LCA5: variants seen among roughly 807,000 people sequenced by gnomAD.
The protein encoded by LCA5 is lebercilin.
Under a neutral mutation model 53.0 loss-of-function variants are expected in LCA5, and 37 were observed. The observed-to-expected ratio is 0.70, with a 90% confidence interval of 0.54 to 0.92. LCA5 has a LOEUF of 0.92. LCA5 is among the 40% of genes least tolerant of loss of function. LCA5 has a pLI of 0.00. For missense variants in LCA5, 806 were observed against 790.5 expected (o/e 1.02, Z -0.23); for synonymous variants, 303 against 282.9 (o/e 1.07, Z -0.71).
At chr6:79,487,965 G>T in intron 7 of LCA5, 99 bp from the exon 8 acceptor site, 5 of 926,680 alleles carry the variant, frequency 5.4e-6, no homozygotes, top group Non-Finnish European at 8.2e-6. Flanking sequence ...TTTAATTTGG[G>T]TATTATAAAT....
At chr6:79,512,346 G>A (rs1223392716) in intron 3 of LCA5, among the ~76,000 whole-genome samples, 1 of 151,942 alleles carries the variant, frequency 6.6e-6, no homozygotes, top group Middle Eastern at 3.2e-3. Flanking sequence ...GCTTTTTCTG[G>A]CCACTGATGT....
At chr6:79,489,905 T>C (rs951451312) in intron 6 of LCA5, among the ~76,000 whole-genome samples, 9 of 152,098 alleles carry the variant, frequency 5.9e-5, no homozygotes, top group Non-Finnish European at 1.3e-4. Context: ...AAAGAACTAA[T>C]GGAAGGTGAG....
intron 2 of LCA5, 129 bp from the exon 3 acceptor site, chr6:79,513,870 T>C: frequency 2.4e-6 from 2 of 840,418 alleles, no homozygotes; most frequent in Admixed American, 4.2e-5. Context: ...TTTTACAATA[T>C]TTAGTAAAGT....
intron 1 of LCA5, among the ~76,000 whole-genome samples, chr6:79,534,809 G>A (rs1767062086): frequency 6.6e-6 from 1 of 152,072 alleles, no homozygotes; most frequent in African/African-American, 2.4e-5. Flanking sequence ...CTCAATAAGA[G>A]GATGCAGCAT....
chr6:79,510,760 G>T (rs1218282212), intron 3 of LCA5, among the ~76,000 whole-genome samples: 1 of 152,066 alleles, frequency 6.6e-6, no homozygotes, highest in East Asian at 1.9e-4. Flanking sequence ...AATCCAATTA[G>T]GAAATGGGCA....
chr6:79,510,636 A>ATT (rs1448819734), intron 3 of LCA5, among the ~76,000 whole-genome samples: 13 of 152,184 alleles, frequency 8.5e-5, no homozygotes, highest in African/African-American at 2.9e-4. Flanking sequence ...CACTGTGAAA[A>ATT]GGATGACAAG....
At chr6:79,495,019 T>C (rs965465456) in intron 3 of LCA5, among the ~76,000 whole-genome samples, 1 of 152,212 alleles carries the variant, frequency 6.6e-6, no homozygotes, top group Non-Finnish European at 1.5e-5. Flanking sequence ...CTGCTATTGG[T>C]CTGTGACCTG....
intron 1 of LCA5, among the ~76,000 whole-genome samples, chr6:79,532,264 T>TAGAC (rs530819374): frequency 1.3e-5 from 2 of 152,196 alleles, no homozygotes; most frequent in Non-Finnish European, 2.9e-5. Context: ...CATGTGAGTC[T>TAGAC]AGTCCACATC....
At chr6:79,529,174 C>A (rs1297953812) in intron 1 of LCA5, among the ~76,000 whole-genome samples, 1 of 152,106 alleles carries the variant, frequency 6.6e-6, no homozygotes, top group Non-Finnish European at 1.5e-5. Flanking sequence ...CATAACTTAC[C>A]AGCAAAATAA....
At chr6:79,490,825 G>A (rs1283906685) in intron 6 of LCA5, among the ~76,000 whole-genome samples, 4 of 151,972 alleles carry the variant, frequency 2.6e-5, no homozygotes, top group African/African-American at 4.8e-5. Flanking sequence ...CTAGGTTGCC[G>A]ATACGTTGTT....
intron 1 of LCA5, among the ~76,000 whole-genome samples, chr6:79,527,128 T>A (rs1766815065): frequency 6.6e-6 from 1 of 152,060 alleles, no homozygotes. Context: ...CCTCAAGTGC[T>A]CCTAACCACT....
rs1304172728 is a variant in LCA5 at position 79,518,951 on chromosome 6, G to A, written c.-57C>T. 1 of 1,508,522 alleles carries A rather than the reference G, an allele frequency of 6.6e-7. No individual in the cohort carries two copies. The allele number at this position is 1,508,522 out of a possible 1,614,324, so 93.4% of individuals were successfully genotyped here. A position where few individuals can be genotyped will look rare whatever the true frequency, so the allele number is the denominator to read the frequency against. ...TTCACAGATTATTTTCTCCAGAGGAGACTATGACAATACTGAAAAACATTT... is the reference window on the plus strand; with the variant it reads ...TTCACAGATTATTTTCTCCAGAGGAAACTATGACAATACTGAAAAACATTT... On this transcript the variant is annotated 5_prime_UTR_variant, in exon 2 of 8. Coordinates refer to ENST00000369846, the MANE Select transcript of LCA5 (RefSeq NM_001122769.3).
rs1038250124 is a variant in LCA5 at position 79,486,040 on chromosome 6, G to A, written c.*964C>T. ...TAAAACTAATCCTGTAAGTCCAATA[G>A]TATTACACTATTGTTGTCTCCTTGG... On this transcript the variant is annotated 3_prime_UTR_variant, in exon 8 of 8. Transcript: ENST00000369846. 7.9e-5 allele frequency: 12 copies of A among 152,144 alleles called. No homozygotes were observed. Among genetic ancestry groups the A allele is most frequent in the African/African-American group, 2.9e-4 (12 of 41,434 alleles). 9.4% of individuals were successfully genotyped at this position (152,144 alleles called of 1,614,324 possible).
intron 1 of LCA5, among the ~76,000 whole-genome samples, chr6:79,522,163 C>T (rs928747916): frequency 3.3e-5 from 5 of 151,808 alleles, no homozygotes; most frequent in Admixed American, 1.3e-4. Context: ...CTGAAAATAA[C>T]AAAATATTAG....
chr6:79,496,474 T>C (rs1341880682), intron 3 of LCA5, among the ~76,000 whole-genome samples: 1 of 152,114 alleles, frequency 6.6e-6, no homozygotes, highest in African/African-American at 2.4e-5. Flanking sequence ...TATATATGTA[T>C]ACAATAAGGG....
intron 3 of LCA5, among the ~76,000 whole-genome samples, chr6:79,507,956 G>C (rs56878422): frequency 0.01 from 1,554 of 152,212 alleles, 27 homozygotes; most frequent in African/African-American, 0.036. Context: ...TCAGACTCTT[G>C]AACCTGGTGC....
At chr6:79,524,946 G>T (rs1218374801) in intron 1 of LCA5, among the ~76,000 whole-genome samples, 2 of 151,230 alleles carry the variant, frequency 1.3e-5, no homozygotes, top group South Asian at 2.1e-4. Context: ...AAATAATAAG[G>T]CTACTTTTTT....
chr6:79,508,176 T>G (rs1279468967), intron 3 of LCA5, among the ~76,000 whole-genome samples: 1 of 152,108 alleles, frequency 6.6e-6, no homozygotes, highest in African/African-American at 2.4e-5. Flanking sequence ...TATTTCTCCA[T>G]CCCTGGTCTA....
At chr6:79,508,629 GAA>G (rs200329614) in intron 3 of LCA5, among the ~76,000 whole-genome samples, 1 of 140,332 alleles carries the variant, frequency 7.1e-6, no homozygotes, top group Non-Finnish European at 1.6e-5. Context: ...TACAGCAAAA[GAA>G]AAAAAAAAAC....
Sources: allele counts gnomAD v4.1 joint callset (sites outside exome capture counted in the v4.1 genomes callset), GRCh38; gene constraint gnomAD v4.1.1; transcripts MANE v1.5; gene names NCBI Gene and HGNC (gene_info 2026-07-23, HGNC 2026-07-21).